ADCY2: variants seen among roughly 807,000 people sequenced by gnomAD.
The protein encoded by ADCY2 is adenylate cyclase type 2.
ADCY2 carries 31 observed loss-of-function variants against 125.2 expected under a neutral mutation model. That is an observed-to-expected ratio of 0.25 (90% CI 0.19 to 0.33). The LOEUF (loss-of-function observed/expected upper bound fraction) is 0.33. Ranked by LOEUF, ADCY2 falls within the 10% of genes least tolerant of loss-of-function variation. The pLI is 1.00. For synonymous variants in ADCY2, 512 were observed against 548.4 expected (o/e 0.93, Z 0.93); for missense variants, 904 against 1,418.2 (o/e 0.64, Z 5.82).
rs114424490 is a variant in ADCY2 at position 7,584,253 on chromosome 5, G to A, written c.571-41914G>A. ...AATCCCAAAAACAATGATAGCGAATGTTGAAATCCTGAAGGATCAAAACTC... is the reference window on the plus strand; with the variant it reads ...AATCCCAAAAACAATGATAGCGAATATTGAAATCCTGAAGGATCAAAACTC... On this transcript the variant is annotated intron_variant, in intron 3 of 24. Coordinates refer to ENST00000338316, the MANE Select transcript of ADCY2 (RefSeq NM_020546.3). Among the ~76,000 whole-genome samples, 800 of 152,186 alleles carry A rather than the reference G, an allele frequency of 5.3e-3. 2 individuals carry two copies. The highest frequency in any genetic ancestry group is 0.018 in the African/African-American group (751 of 41,540).
chr5:7,701,214 A>T (rs917817557), intron 7 of ADCY2, among the ~76,000 whole-genome samples: 2 of 152,056 alleles, frequency 1.3e-5, no homozygotes, highest in Admixed American at 6.5e-5. Flanking sequence ...CTTTTCAATT[A>T]GTTGTGGAAA....
intron 14 of ADCY2, among the ~76,000 whole-genome samples, chr5:7,737,676 T>C (rs1742288743): frequency 6.6e-6 from 1 of 152,022 alleles, no homozygotes; most frequent in Non-Finnish European, 1.5e-5. Context: ...TTAAAATCCA[T>C]CACTCTCCAA....
chr5:7,824,481 G>A (rs759474799), intron 24 of ADCY2, among the ~76,000 whole-genome samples: 3 of 152,154 alleles, frequency 2.0e-5, no homozygotes, highest in Non-Finnish European at 4.4e-5. Context: ...GGCCACTTTT[G>A]GTGGAAGGCC....
intron 9 of ADCY2, 30 bp downstream of exon 9, chr5:7,707,868 A>T (rs745777282): frequency 6.2e-7 from 1 of 1,601,078 alleles, no homozygotes; most frequent in Non-Finnish European, 8.5e-7. Context: ...GTCTATGATG[A>T]AAAGGGAGGA....
At chr5:7,589,522 AAG>A (rs34653388) in intron 3 of ADCY2, among the ~76,000 whole-genome samples, 3,247 of 116,162 alleles carry the variant, frequency 0.028, 163 homozygotes, top group Non-Finnish European at 0.038. Context: ...AAAGAAAAGA[AAG>A]AGAAAGAAAG....
chr5:7,472,884 T>C (rs752914759), intron 2 of ADCY2, among the ~76,000 whole-genome samples: 7 of 152,164 alleles, frequency 4.6e-5, no homozygotes, highest in Non-Finnish European at 1.0e-4. Flanking sequence ...TGTGTACCCT[T>C]TCCCCCAGAG....
At chr5:7,658,399 T>TTGTGTGTGTGTGTGTGTGTG (rs369870574) in intron 4 of ADCY2, among the ~76,000 whole-genome samples, 8 of 130,942 alleles carry the variant, frequency 6.1e-5, no homozygotes, top group Admixed American at 1.5e-4. Context: ...GTGAAGAGAA[T>TTGTGTGTGTGTGTGTGTGTG]TGTGTGTGTG....
intron 24 of ADCY2, 30 bp from the exon 25 acceptor site, chr5:7,826,689 C>A: frequency 6.2e-7 from 1 of 1,613,820 alleles, no homozygotes; most frequent in Non-Finnish European, 8.5e-7. Context: ...ATGTACTAAG[C>A]CCGTTTTCCC....
intron 3 of ADCY2, among the ~76,000 whole-genome samples, chr5:7,597,632 C>T (rs1173585161): frequency 2.6e-5 from 4 of 152,124 alleles, no homozygotes; most frequent in African/African-American, 9.7e-5. Context: ...TAAAATTTAG[C>T]AGGGCATGGT....
At chr5:7,498,772 C>T (rs1743439824) in intron 2 of ADCY2, among the ~76,000 whole-genome samples, 1 of 152,134 alleles carries the variant, frequency 6.6e-6, no homozygotes, top group Admixed American at 6.5e-5. Context: ...AAACTACCTA[C>T]ATGTCCACTA....
chr5:7,630,788 CTTT>C (rs149391909), intron 4 of ADCY2, among the ~76,000 whole-genome samples: 7 of 132,204 alleles, frequency 5.3e-5, no homozygotes, highest in African/African-American at 8.9e-5. Context: ...CTCTCCTTGT[CTTT>C]TTTTTTTTTT....
intron 13 of ADCY2, 118 bp downstream of exon 13, chr5:7,724,732 A>G (rs899524523): frequency 2.8e-6 from 2 of 718,176 alleles, no homozygotes; most frequent in Non-Finnish European, 4.6e-6. Context: ...CTATATTCGA[A>G]CTCTTTCTGG....
At chr5:7,655,197 A>G (rs748726520) in intron 4 of ADCY2, among the ~76,000 whole-genome samples, 4 of 152,090 alleles carry the variant, frequency 2.6e-5, no homozygotes, top group African/African-American at 4.8e-5. Context: ...CGTTCATGGC[A>G]CTTTACCTGA....
At chr5:7,422,632 C>A (rs1337133094) in intron 2 of ADCY2, among the ~76,000 whole-genome samples, 8 of 152,186 alleles carry the variant, frequency 5.3e-5, no homozygotes, top group Admixed American at 5.2e-4. Flanking sequence ...GCAGGGAGAC[C>A]ATACTGAAGT....
intron 3 of ADCY2, among the ~76,000 whole-genome samples, chr5:7,565,076 C>T (rs941270306): frequency 2.6e-5 from 4 of 152,234 alleles, no homozygotes; most frequent in African/African-American, 9.6e-5. Flanking sequence ...TTGCTCATCT[C>T]CAGGCCACTC....
intron 22 of ADCY2, among the ~76,000 whole-genome samples, chr5:7,815,963 G>A (rs1378818493): frequency 6.6e-6 from 1 of 152,162 alleles, no homozygotes; most frequent in African/African-American, 2.4e-5. Context: ...CCCCTGTCGG[G>A]CCTCTTTCCT....
chr5:7,797,092 GTGCTAAGCTTTAAGCTCTA>G (rs1160774152), intron 20 of ADCY2: 1 of 152,256 alleles, frequency 6.6e-6, no homozygotes, highest in African/African-American at 2.4e-5. Context: ...TCACTCAACA[GTGCTAAGCTTTAAGCTCTA>G]TGCCCATGCG....
At chr5:7,479,992 G>A (rs1742668778) in intron 2 of ADCY2, among the ~76,000 whole-genome samples, 1 of 152,130 alleles carries the variant, frequency 6.6e-6, no homozygotes, top group Non-Finnish European at 1.5e-5. Flanking sequence ...TATGCTTGCA[G>A]CTAATAATCA....
At chr5:7,406,383 C>T (rs772476566) in intron 1 of ADCY2, among the ~76,000 whole-genome samples, 3 of 152,096 alleles carry the variant, frequency 2.0e-5, no homozygotes, top group Non-Finnish European at 2.9e-5. Context: ...AGCCATCTAC[C>T]CAGCCACCTC....
Sources: gnomAD v4.1 joint callset for allele counts (sites outside exome capture counted in the v4.1 genomes callset) on GRCh38, gnomAD v4.1.1 for gene constraint, MANE v1.5 for transcripts, NCBI Gene and HGNC (gene_info 2026-07-23, HGNC 2026-07-21) for gene names.